DLGAP1: variants seen among roughly 807,000 people sequenced by gnomAD.
The protein encoded by DLGAP1 is DLG associated protein 1.
In DLGAP1, 11 loss-of-function variants were observed where a neutral mutation model predicts 90.8. The observed-to-expected ratio is 0.12, with a 90% CI of 0.08 to 0.20. The LOEUF is 0.20. Ranked by LOEUF, DLGAP1 falls within the 10% of genes least tolerant of loss-of-function variation. The pLI, the probability that DLGAP1 is intolerant of heterozygous loss-of-function variation, is 1.00. For missense variants in DLGAP1, 1,050 were observed against 1,333.8 expected (o/e 0.79, Z 3.31); for synonymous variants, 558 against 540.7 (o/e 1.03, Z -0.44).
chr18:3,928,996 C>T (rs557739767), intron 3 of DLGAP1, among the ~76,000 whole-genome samples: 1 of 152,222 alleles, frequency 6.6e-6, no homozygotes, highest in Admixed American at 6.5e-5. Flanking sequence ...TTCAAAGGAA[C>T]CCTTTGCTCT....
chr18:3,567,126 T>G (rs1400155934), intron 9 of DLGAP1, among the ~76,000 whole-genome samples: 1 of 152,168 alleles, frequency 6.6e-6, no homozygotes, highest in East Asian at 1.9e-4. Flanking sequence ...CACTATTAAG[T>G]GTTGGGAATA....
chr18:4,180,289 G>A (rs1018697788), intron 1 of DLGAP1, among the ~76,000 whole-genome samples: 7 of 152,160 alleles, frequency 4.6e-5, no homozygotes, highest in Admixed American at 3.9e-4. Context: ...TCATCCAGCA[G>A]AGTCCCACAA....
rs1043900827 is a variant in DLGAP1 at position 4,268,911 on chromosome 18, AAAT to A, written c.-266-117627_-266-117625del. ...CAGTAAAGAATAAGATCCACCATAT[AAAT>A]AATAATAATTTTGAAGAGTTCTTTT... On this transcript the variant is annotated intron_variant, in intron 1 of 12. Transcript: ENST00000315677. Among the ~76,000 whole-genome samples the A allele has an allele frequency of 3.2e-4, 48 of 152,250 alleles. 1 individual carries two copies. Among genetic ancestry groups the A allele is most frequent in the African/African-American group, 1.1e-3 (47 of 41,578 alleles).
chr18:3,720,039 C>A (rs1192118995), intron 7 of DLGAP1, among the ~76,000 whole-genome samples: 1 of 152,174 alleles, frequency 6.6e-6, no homozygotes, highest in Non-Finnish European at 1.5e-5. Context: ...AGATCTGATA[C>A]TTCTTGTCAG....
At chr18:4,151,938 G>T (rs1379868851) in intron 1 of DLGAP1, among the ~76,000 whole-genome samples, 1 of 152,034 alleles carries the variant, frequency 6.6e-6, no homozygotes, top group Non-Finnish European at 1.5e-5. Context: ...TAACAAACCT[G>T]CAAGTTCTGT....
chr18:4,400,382 C>T (rs1029867052), intron 1 of DLGAP1, among the ~76,000 whole-genome samples: 1 of 152,176 alleles, frequency 6.6e-6, no homozygotes, highest in African/African-American at 2.4e-5. Flanking sequence ...TGCTGTTGTT[C>T]AGAACGGAAA....
At chr18:3,764,074 C>T (rs370991312) in intron 5 of DLGAP1, among the ~76,000 whole-genome samples, 40 of 152,258 alleles carry the variant, frequency 2.6e-4, no homozygotes, top group African/African-American at 8.9e-4. Context: ...TTACTGAGTG[C>T]GTTACATGGC....
At chr18:3,950,701 G>T (rs1279765940) in intron 3 of DLGAP1, among the ~76,000 whole-genome samples, 1 of 152,168 alleles carries the variant, frequency 6.6e-6, no homozygotes, top group African/African-American at 2.4e-5. Context: ...TGCTGGGAGT[G>T]CTCCACAGCT....
chr18:4,068,553 T>C (rs1402068229), intron 2 of DLGAP1, among the ~76,000 whole-genome samples: 1 of 152,148 alleles, frequency 6.6e-6, no homozygotes, highest in Non-Finnish European at 1.5e-5. Context: ...TTAATAAACA[T>C]GATGCATAAC....
chr18:4,344,127 C>G (rs1402769137), intron 1 of DLGAP1, among the ~76,000 whole-genome samples: 1 of 152,054 alleles, frequency 6.6e-6, no homozygotes, highest in African/African-American at 2.4e-5. Flanking sequence ...GCAATCATAC[C>G]AGAGGTAGTT....
chr18:3,767,364 T>G (rs887843128), intron 5 of DLGAP1, among the ~76,000 whole-genome samples: 1 of 152,010 alleles, frequency 6.6e-6, no homozygotes, highest in African/African-American at 2.4e-5. Context: ...TTCCAGAAAA[T>G]AGAAGAGAAG....
At chr18:3,919,493 T>C (rs12962198) in intron 3 of DLGAP1, among the ~76,000 whole-genome samples, 67,558 of 152,084 alleles carry the variant, frequency 0.44, 15,045 homozygotes, top group Admixed American at 0.52. Context: ...CGGATGATTT[T>C]TGCCCAAGGA....
intron 2 of DLGAP1, among the ~76,000 whole-genome samples, chr18:4,058,844 G>C (rs959690759): frequency 1.3e-5 from 2 of 152,222 alleles, no homozygotes; most frequent in Non-Finnish European, 2.9e-5. Flanking sequence ...CAGGCCTCCT[G>C]TCTACTTAAA....
intron 10 of DLGAP1, among the ~76,000 whole-genome samples, chr18:3,515,365 G>A (rs1281226993): frequency 6.8e-6 from 1 of 146,800 alleles, no homozygotes; most frequent in Admixed American, 7.0e-5. Flanking sequence ...AGCTACTCAG[G>A]AGGCTGAGGC....
intron 2 of DLGAP1, among the ~76,000 whole-genome samples, chr18:4,125,966 G>A (rs73386713): frequency 0.033 from 5,095 of 152,242 alleles, 301 homozygotes; most frequent in African/African-American, 0.12. Flanking sequence ...GGCACAAGCC[G>A]CAGTGGGTGA....
intron 2 of DLGAP1, among the ~76,000 whole-genome samples, chr18:4,059,792 A>G (rs540173792): frequency 4.8e-4 from 73 of 152,348 alleles, no homozygotes; most frequent in African/African-American, 1.7e-3. Flanking sequence ...GCCCTTAGAC[A>G]GGAAATCCTC....
intron 2 of DLGAP1, among the ~76,000 whole-genome samples, chr18:4,015,673 T>G (rs2074510876): frequency 6.6e-6 from 1 of 152,220 alleles, no homozygotes; most frequent in African/African-American, 2.4e-5. Context: ...CAGACCTAAG[T>G]GTCAGGAAAA....
Position 3,570,434 on chromosome 18 carries a change from A to G in DLGAP1, c.1966-2853T>C, listed in dbSNP as rs1307504573. On this transcript the variant is annotated intron_variant, in intron 8 of 12. Coordinates refer to ENST00000315677, the MANE Select transcript of DLGAP1 (RefSeq NM_004746.4). ...GCTGGCATTATAGGTGTGTGCCACCATGCCTGGCTAATTTTTGTATTTTTC... is the reference window on the plus strand; with the variant it reads ...GCTGGCATTATAGGTGTGTGCCACCGTGCCTGGCTAATTTTTGTATTTTTC... Among the ~76,000 whole-genome samples, 7 of 151,748 alleles carry G rather than the reference A, an allele frequency of 4.6e-5. 1 individual carries two copies. The East Asian group carries it at 1.2e-3, about 26-fold the overall frequency.
intron 4 of DLGAP1, among the ~76,000 whole-genome samples, chr18:3,834,223 G>A (rs1171045971): frequency 4.0e-5 from 6 of 148,560 alleles, no homozygotes; most frequent in South Asian, 2.1e-4. Flanking sequence ...GGAGACTGGC[G>A]TGAACCCAGG....
Sources: gnomAD v4.1 joint callset for allele counts (sites outside exome capture counted in the v4.1 genomes callset) on GRCh38, gnomAD v4.1.1 for gene constraint, MANE v1.5 for transcripts, NCBI Gene and HGNC (gene_info 2026-07-23, HGNC 2026-07-21) for gene names.